The following BID variants were observed in gnomAD, a reference collection of about 807,000 sequenced individuals.
BID encodes BH3 interacting domain death agonist, also known as BH3-interacting domain death agonist.
In BID, 19 loss-of-function variants were observed where a neutral mutation model predicts 17.4. The ratio of observed to expected loss-of-function variants is 1.09; its 90% CI spans 0.76 to 1.60. The LOEUF (loss-of-function observed/expected upper bound fraction) is 1.60, where lower values mean the gene tolerates loss of function less well. Among genes scored for constraint, BID ranks in the 40% most tolerant of loss-of-function variants. The pLI, the probability that BID is intolerant of heterozygous loss-of-function variation, is 0.00. For missense variants in BID, 226 were observed against 256.0 expected (o/e 0.88, Z 0.80); for synonymous variants, 108 against 102.8 (o/e 1.05, Z -0.31).
intron 1 of BID, chr22:17,774,052 G>A: frequency 2.9e-6 from 1 of 340,786 alleles, no homozygotes; most frequent in South Asian, 2.8e-5. Context: ...CCCCCTCCCC[G>A]CGCCCCGCAC....
At chr22:17,764,630 G>A (rs1037278332) in intron 1 of BID, among the ~76,000 whole-genome samples, 3 of 152,212 alleles carry the variant, frequency 2.0e-5, no homozygotes, top group African/African-American at 7.2e-5. Context: ...TTGTTGGGGG[G>A]TGGAAATAAG....
At chr22:17,752,956 C>T (rs937903327) in intron 1 of BID, among the ~76,000 whole-genome samples, 9 of 138,280 alleles carry the variant, frequency 6.5e-5, no homozygotes, top group South Asian at 4.9e-4. Flanking sequence ...TGAGCCACCG[C>T]GCCCAGTCTT....
intron 1 of BID, among the ~76,000 whole-genome samples, chr22:17,756,146 C>T (rs1294974621): frequency 1.3e-5 from 2 of 152,206 alleles, no homozygotes; most frequent in African/African-American, 2.4e-5. Context: ...GGATTACAGG[C>T]GTGAGCCACT....
chr22:17,756,480 C>T (rs868748606), intron 1 of BID, among the ~76,000 whole-genome samples: 122 of 99,500 alleles, frequency 1.2e-3, no homozygotes, highest in Non-Finnish European at 1.6e-3. Context: ...TCTTTCTTTT[C>T]TTTCTTTCTT....
At position 17,739,785 on chromosome 22, in the gene BID, G is replaced by A. The variant is rs544957856; in HGVS notation, c.224-297C>T. On this transcript the variant is annotated intron_variant, in intron 3 of 5. Coordinates refer to ENST00000622694, the MANE Select transcript of BID (RefSeq NM_001196.4). ...CTGGGGCATCACGACCACGCCTGAG[G>A]TACAAGCCTGGCAGCGGCTTCATGG... 18 of 582,576 alleles carry A rather than the reference G, an allele frequency of 3.1e-5. No homozygotes were observed. The African/African-American group carries it at 3.2e-4, about 10-fold the overall frequency. 36.1% of individuals were successfully genotyped at this position (582,576 alleles called of 1,614,324 possible).
intron 1 of BID, among the ~76,000 whole-genome samples, chr22:17,766,699 C>A (rs2061681475): frequency 6.6e-6 from 1 of 152,044 alleles, no homozygotes; most frequent in Admixed American, 6.6e-5. Context: ...ACGCCATTCT[C>A]CTGCCTCAGC....
intron 5 of BID, among the ~76,000 whole-genome samples, chr22:17,737,779 C>T (rs1306114344): frequency 6.6e-6 from 1 of 152,198 alleles, no homozygotes; most frequent in Non-Finnish European, 1.5e-5. Flanking sequence ...CCTTTGCCAC[C>T]CCTCTGAATG....
At position 17,739,436 on chromosome 22, in the gene BID, C is replaced by G; in HGVS notation, c.276G>C (p.Gln92His). Residue 92 changes from glutamine to histidine, a missense_variant, in exon 4 of 6, where the codon CAG becomes CAC. Physicochemically the swap from Gln to His is conservative, Grantham distance 24 (BLOSUM62 0). Transcript: ENST00000622694. ...TGCTACGGTCCATGCTGTCCCCGAC[C>G]TGGGCGAGGTGCCTGGCAATATTCC... is the stretch of plus-strand genomic sequence containing the variant. The part of the protein sequence containing the change: ...IIRNIARHLA[Q>H]VGDSMDRSIP... 1 of 1,612,648 alleles carries G rather than the reference C, an allele frequency of 6.2e-7. No homozygotes were observed. The highest frequency in any genetic ancestry group is 8.5e-7 in the Non-Finnish European group (1 of 1,179,896).
At chr22:17,770,825 T>C (rs113697932) in intron 1 of BID, among the ~76,000 whole-genome samples, 7 of 152,164 alleles carry the variant, frequency 4.6e-5, no homozygotes, top group African/African-American at 1.7e-4. Flanking sequence ...AGCATGGCTA[T>C]GAGCATAGAA....
In BID at chr22:17,735,756, A is replaced by G. The variant is rs575165309; in HGVS notation, c.577-165T>C. Among the ~76,000 whole-genome samples the G allele has an allele frequency of 1.5e-4, 23 of 152,146 alleles. No individual in the cohort carries two copies. The East Asian group carries it at 3.9e-3, about 26-fold the overall frequency. ...TCCTACTTTTTGCTACATGGGGGCA[A>G]CTGCAAAAACAGGCCGTTCAGGCGG... On this transcript the variant is annotated intron_variant, in intron 5 of 5. Coordinates refer to ENST00000622694, the MANE Select transcript of BID (RefSeq NM_001196.4).
chr22:17,747,650 T>C (rs1259818244), intron 2 of BID, among the ~76,000 whole-genome samples: 1 of 152,124 alleles, frequency 6.6e-6, no homozygotes, highest in East Asian at 1.9e-4. Flanking sequence ...AAAGAATTGA[T>C]AGTTTTTTAT....
chr22:17,751,228 C>G (rs549562934), intron 1 of BID, among the ~76,000 whole-genome samples: 1,598 of 151,604 alleles, frequency 0.011, 18 homozygotes, highest in South Asian at 0.039. Context: ...AAAAATTAGC[C>G]GGGCGCGGTG....
chr22:17,739,288 G>A lies in BID; in HGVS notation c.363+61C>T, dbSNP rs1353555309. The A allele has an allele frequency of 4.1e-6, 6 of 1,477,898 alleles. No homozygotes were observed. The African/African-American group carries it at 8.3e-5, about 21-fold the overall frequency. The allele number at this position is 1,477,898 out of a possible 1,614,324, so 91.5% of individuals were successfully genotyped here. A position where few individuals can be genotyped will look rare whatever the true frequency, so the allele number is the denominator to read the frequency against. ...GGGACAGTGGGCTGCCTGGTGAGAG[G>A]CAGGGGACAGGCCCCCTTGGCTCAC... On this transcript the variant is annotated intron_variant, in intron 4 of 5. Coordinates refer to ENST00000622694, the MANE Select transcript of BID (RefSeq NM_001196.4).
At chr22:17,751,332 A>G (rs1056115966) in intron 1 of BID, among the ~76,000 whole-genome samples, 1 of 151,534 alleles carries the variant, frequency 6.6e-6, no homozygotes, top group African/African-American at 2.4e-5. Flanking sequence ...AGATTGCGCC[A>G]CTGCAGTCCG....
intron 1 of BID, among the ~76,000 whole-genome samples, chr22:17,753,662 G>A (rs1176491268): frequency 6.6e-6 from 1 of 152,222 alleles, no homozygotes; most frequent in Admixed American, 6.5e-5. Context: ...GCGGCCCTAC[G>A]CCCATCCCAA....
chr22:17,740,175 C>G, intron 3 of BID: 5 of 1,611,608 alleles, frequency 3.1e-6, no homozygotes, highest in Non-Finnish European at 4.2e-6. Flanking sequence ...TGTCTGACGC[C>G]CCTGCCAGAA....
At position 17,769,363 on chromosome 22, in the gene BID, G is replaced by A. The variant is rs1168690392; in HGVS notation, c.-59+5018C>T. On this transcript the variant is annotated intron_variant, in intron 1 of 5. Coordinates refer to ENST00000622694, the MANE Select transcript of BID (RefSeq NM_001196.4). This position sits in a 1 kb window ranked among gnomAD's most constrained non-coding sequence, Gnocchi z 4.8. ...GGTTTGGGGCTGGATGTCTGCAGGGGTCCTCAGGGATACCCAGAGGGAGAA... is the reference window on the plus strand; with the variant it reads ...GGTTTGGGGCTGGATGTCTGCAGGGATCCTCAGGGATACCCAGAGGGAGAA... Among the ~76,000 whole-genome samples, 1 of 152,248 alleles carries A rather than the reference G, an allele frequency of 6.6e-6. No homozygotes were observed. The highest frequency in any genetic ancestry group is 1.5e-5 in the Non-Finnish European group (1 of 68,044).
In BID at chr22:17,752,333, G is replaced by C. The variant is rs116802016; in HGVS notation, c.-58-2159C>G. Among the ~76,000 whole-genome samples, 322 of 152,232 alleles carry C rather than the reference G, an allele frequency of 2.1e-3. 1 individual carries two copies. The highest frequency in any genetic ancestry group is 7.5e-3 in the African/African-American group (312 of 41,536). The stretch of plus-strand genomic sequence containing the variant: ...ACGTAGCGGGTAGCAGTGGGGGCAC[G>C]GCTCATCAGCTCAAACCCACAACTC... On this transcript the variant is annotated intron_variant, in intron 1 of 5. Coordinates refer to ENST00000622694, the MANE Select transcript of BID (RefSeq NM_001196.4).
chr22:17,744,184 G>A (rs1315547644), intron 2 of BID, among the ~76,000 whole-genome samples, 171 bp from the exon 3 acceptor site: 1 of 152,192 alleles, frequency 6.6e-6, no homozygotes, highest in East Asian at 1.9e-4. Context: ...GGCAAGGTCT[G>A]CAGCCACAGC....
Sources: gnomAD v4.1 joint callset for allele counts (sites outside exome capture counted in the v4.1 genomes callset) on GRCh38, gnomAD v4.1.1 for gene constraint, Gnocchi (gnomAD v3.1) non-coding constraint, MANE v1.5 for transcripts, NCBI Gene and HGNC (gene_info 2026-07-23, HGNC 2026-07-21) for gene names.